The following HIVEP3 variants were observed in gnomAD, a reference collection of about 807,000 sequenced individuals.
HIVEP3 encodes transcription factor HIVEP3.
HIVEP3 carries 49 observed loss-of-function variants against 152.8 expected under a neutral mutation model. The observed-to-expected ratio is 0.32, with a 90% CI of 0.26 to 0.41. HIVEP3 has a LOEUF of 0.41. Ranked by LOEUF, HIVEP3 falls within the 10% of genes least tolerant of loss-of-function variation. The pLI, the probability that HIVEP3 is intolerant of heterozygous loss-of-function variation, is 1.00. For missense variants in HIVEP3, 2,790 were observed against 3,103.3 expected (o/e 0.90, Z 2.40); for synonymous variants, 1,269 against 1,289.0 (o/e 0.98, Z 0.33).
chr1:41,954,964 G>GTTTTTTTTTTTTT (rs5773755), intron 1 of HIVEP3, among the ~76,000 whole-genome samples: 1 of 144,716 alleles, frequency 6.9e-6, no homozygotes, highest in Non-Finnish European at 1.5e-5. Flanking sequence ...CAGCTTCCAG[G>GTTTTTTTTTTTTT]TTTTTTTTTT....
Position 41,506,634 on chromosome 1 carries a change from C to T in HIVEP3, c.*3817G>A, listed in dbSNP as rs1316970589. 2.0e-5 allele frequency: 3 copies of T among 149,092 alleles called. No individual in the cohort carries two copies. Among genetic ancestry groups the T allele is most frequent in the African/African-American group, 7.4e-5 (3 of 40,316 alleles). The allele number at this position is 149,092 out of a possible 1,614,324, so 9.2% of individuals were successfully genotyped here. On this transcript the variant is annotated 3_prime_UTR_variant, in exon 9 of 9. Coordinates refer to ENST00000372583, the MANE Select transcript of HIVEP3 (RefSeq NM_024503.5). ...TTTCTGTTTTGTTTTTTCTTTTGCA[C>T]TGATATATACCATACCAACATTGCA... is the stretch of plus-strand genomic sequence containing the variant.
At chr1:41,594,507 C>T (rs542917763) in intron 3 of HIVEP3, among the ~76,000 whole-genome samples, 1 of 152,308 alleles carries the variant, frequency 6.6e-6, no homozygotes, top group Non-Finnish European at 1.5e-5. Flanking sequence ...CAGGTGTGAG[C>T]CACCCCGCCT....
At chr1:41,977,605 C>T (rs1197937142) in intron 1 of HIVEP3, among the ~76,000 whole-genome samples, 1 of 152,222 alleles carries the variant, frequency 6.6e-6, no homozygotes, top group Non-Finnish European at 1.5e-5. Context: ...GAAAATGTCA[C>T]TCATTCATCA....
intron 1 of HIVEP3, among the ~76,000 whole-genome samples, chr1:42,029,516 A>G (rs762789840): frequency 2.0e-5 from 3 of 152,230 alleles, no homozygotes; most frequent in Non-Finnish European, 4.4e-5. Flanking sequence ...CCCTTCCTAG[A>G]GAAAGGCATG....
At chr1:41,630,200 T>G (rs915869052) in intron 2 of HIVEP3, among the ~76,000 whole-genome samples, 7 of 152,218 alleles carry the variant, frequency 4.6e-5, no homozygotes, top group Non-Finnish European at 8.8e-5. Flanking sequence ...CCATGTGTTT[T>G]CACCTATAAG....
chr1:41,744,522 T>A (rs1170688879), intron 1 of HIVEP3, among the ~76,000 whole-genome samples: 1 of 152,226 alleles, frequency 6.6e-6, no homozygotes, highest in Non-Finnish European at 1.5e-5. Flanking sequence ...TCAAATGGGG[T>A]TGAGTTCCTG....
Position 41,582,997 on chromosome 1 carries a change from A to G in HIVEP3, c.1801T>C (p.Tyr601His). The change falls in exon 4 of 9, where the codon TAC becomes CAC. Residue 601 changes from tyrosine to histidine, a missense_variant. Transcript: ENST00000372583. The surrounding 1 kb of genome is among the most constrained non-coding windows in gnomAD (Gnocchi z 4.7). ...CTTGGGCCAGGCTCCTCAGAACTGT[A>G]TTCCCCTCCCAAAGGTAATTCGATT... ...PAIELPLGGE[Y>H]SSEEPGPSSK... The G allele has an allele frequency of 6.2e-7, 1 of 1,614,000 alleles. No homozygotes were observed. Among genetic ancestry groups the G allele is most frequent in the East Asian group, 2.2e-5 (1 of 44,854 alleles).
chr1:41,831,358 T>C (rs1642959726), intron 1 of HIVEP3, among the ~76,000 whole-genome samples: 1 of 152,180 alleles, frequency 6.6e-6, no homozygotes, highest in Non-Finnish European at 1.5e-5. Context: ...CGGAATGAGA[T>C]GGTAGAATGT....
intron 7 of HIVEP3, among the ~76,000 whole-genome samples, chr1:41,518,032 G>A (rs896760771): frequency 3.3e-5 from 5 of 152,206 alleles, no homozygotes; most frequent in East Asian, 3.8e-4. Context: ...TTTAGAACCC[G>A]CCTGACACAT....
intron 1 of HIVEP3, among the ~76,000 whole-genome samples, chr1:41,971,207 A>G (rs1645226780): frequency 6.6e-6 from 1 of 152,204 alleles, no homozygotes; most frequent in Non-Finnish European, 1.5e-5. Flanking sequence ...CGAATTTATA[A>G]AAGTTATTCA....
rs61551837 is a variant in HIVEP3 at position 41,918,107 on chromosome 1, CCCG to C, written c.-801+303_-801+305del. 1.1e-4 allele frequency among the ~76,000 whole-genome samples: 17 copies of C among 151,606 alleles called. No homozygotes were observed. Among genetic ancestry groups the C allele is most frequent in the East Asian group, 1.9e-4 (1 of 5,134 alleles). On this transcript the variant is annotated intron_variant, in intron 1 of 8. Coordinates refer to ENST00000372583, the MANE Select transcript of HIVEP3 (RefSeq NM_024503.5). This position sits in a 1 kb window ranked among gnomAD's most constrained non-coding sequence, Gnocchi z 4.3. ...CGCACGGCGCGCATAGGGTTACAGC[CCCG>C]CCGCCGCCGCCGCCGCCGCCGCCTG...
chr1:41,523,271 G>C (rs1009181498), intron 6 of HIVEP3, among the ~76,000 whole-genome samples: 1 of 152,202 alleles, frequency 6.6e-6, no homozygotes, highest in Non-Finnish European at 1.5e-5. Context: ...AGGGATGGAA[G>C]ACACCTTCGA....
chr1:41,749,840 G>A (rs76677710), intron 1 of HIVEP3, among the ~76,000 whole-genome samples: 4 of 152,312 alleles, frequency 2.6e-5, no homozygotes, highest in Non-Finnish European at 5.9e-5. Context: ...TGGCCTTGGG[G>A]GTGAAATGTA....
At chr1:41,838,084 T>C (rs1187837267) in intron 1 of HIVEP3, among the ~76,000 whole-genome samples, 1 of 152,198 alleles carries the variant, frequency 6.6e-6, no homozygotes, top group Non-Finnish European at 1.5e-5. Context: ...GAATTCCTTG[T>C]ATTCTTTTTG....
chr1:41,595,076 G>A (rs888685439), intron 3 of HIVEP3, among the ~76,000 whole-genome samples: 3 of 152,208 alleles, frequency 2.0e-5, no homozygotes, highest in Non-Finnish European at 2.9e-5. Flanking sequence ...GAATTTGTGG[G>A]AAAGGGACCC....
intron 3 of HIVEP3, among the ~76,000 whole-genome samples, chr1:41,591,052 T>C (rs945144251): frequency 2.6e-5 from 4 of 152,194 alleles, no homozygotes; most frequent in African/African-American, 7.2e-5. Flanking sequence ...ACCTGACATA[T>C]AGTAAGCATT....
intron 1 of HIVEP3, among the ~76,000 whole-genome samples, chr1:42,034,074 T>G (rs1645627821): frequency 6.6e-6 from 1 of 152,224 alleles, no homozygotes; most frequent in South Asian, 2.1e-4. Context: ...TATTAAAACA[T>G]AGGCTGGCAA....
At chr1:41,749,432 G>GTGTGTGTGT (rs57099184) in intron 1 of HIVEP3, among the ~76,000 whole-genome samples, 2 of 151,146 alleles carry the variant, frequency 1.3e-5, no homozygotes, top group Non-Finnish European at 3.0e-5. Flanking sequence ...GTGTGTGTGT[G>GTGTGTGTGT]ATGGAGAGAC....
intron 1 of HIVEP3, among the ~76,000 whole-genome samples, chr1:41,958,709 C>T (rs998417214): frequency 6.6e-6 from 1 of 152,172 alleles, no homozygotes; most frequent in Non-Finnish European, 1.5e-5. Flanking sequence ...ACAGATAGGT[C>T]AGCTTGCCTC....
Sources: gnomAD v4.1 joint callset for allele counts (sites outside exome capture counted in the v4.1 genomes callset) on GRCh38, gnomAD v4.1.1 for gene constraint, Gnocchi (gnomAD v3.1) non-coding constraint, MANE v1.5 for transcripts, NCBI Gene and HGNC (gene_info 2026-07-23, HGNC 2026-07-21) for gene names.